The following FUBP3 variants were observed in gnomAD, a reference collection of about 807,000 sequenced individuals.
FUBP3 encodes the protein far upstream element binding protein 3.
Under a neutral mutation model 85.6 loss-of-function variants are expected in FUBP3, and 28 were observed. The observed-to-expected ratio is 0.33, with a 90% CI of 0.24 to 0.45. FUBP3 has a LOEUF of 0.45. Among genes scored for constraint, FUBP3 ranks in the 20% least tolerant of loss-of-function variants. The pLI, the probability that FUBP3 is intolerant of heterozygous loss-of-function variation, is 1.00. For synonymous variants in FUBP3, 271 were observed against 271.4 expected, an observed-to-expected ratio of 1.00 and a Z score of 0.01; for missense variants, 583 against 755.1, an observed-to-expected ratio of 0.77 and a Z score of 2.67.
In FUBP3 at chr9:130,609,345, G is replaced by A. The variant is rs79082553; in HGVS notation, c.191-609G>A. Among the ~76,000 whole-genome samples the A allele has an allele frequency of 5.2e-3, 787 of 151,912 alleles. 8 individuals carry two copies. Among genetic ancestry groups the A allele is most frequent in the African/African-American group, 0.018 (744 of 41,410 alleles). On this transcript the variant is annotated intron_variant, in intron 2 of 18. Transcript: ENST00000319725. ...CTTGAAAGGCAGTTGCTCATTCTTA[G>A]TGTCCGCTGCACATGGACTGCTCTG...
chr9:130,628,144 C>A (rs1830069522), intron 12 of FUBP3, among the ~76,000 whole-genome samples: 1 of 152,012 alleles, frequency 6.6e-6, no homozygotes, highest in South Asian at 2.1e-4. Context: ...CCCCTCAGGG[C>A]CCATGTGAGA....
Position 130,616,069 on chromosome 9 carries a change from G to A in FUBP3, c.405-286G>A, listed in dbSNP as rs1214580507. Among the ~76,000 whole-genome samples, 1 of 152,244 alleles carries A rather than the reference G, an allele frequency of 6.6e-6. No individual in the cohort carries two copies. Among genetic ancestry groups the A allele is most frequent in the South Asian group, 2.1e-4 (1 of 4,838 alleles). On this transcript the variant is annotated intron_variant, in intron 6 of 18. Coordinates refer to ENST00000319725, the MANE Select transcript of FUBP3 (RefSeq NM_003934.2). The surrounding 1 kb of genome is among the most constrained non-coding windows in gnomAD (Gnocchi z 4.7). ...CAGAGCAGCTGGCATCCTAATAGGAGACGACACCTTTGTGGAGACACAAGC... is the reference window on the plus strand; with the variant it reads ...CAGAGCAGCTGGCATCCTAATAGGAAACGACACCTTTGTGGAGACACAAGC...
Position 130,635,333 on chromosome 9 carries a change from G to T in FUBP3, c.1582+595G>T, listed in dbSNP as rs775552133. Among the ~76,000 whole-genome samples, 7 of 152,192 alleles carry T rather than the reference G, an allele frequency of 4.6e-5. No individual in the cohort carries two copies. The highest frequency in any genetic ancestry group is 2.1e-4 in the South Asian group (1 of 4,838). ...CATAAAATCAGGACCAGACTCTCGG[G>T]ATATATCCCACGATTACTAGACCGG... On this transcript the variant is annotated intron_variant, in intron 17 of 18. Coordinates refer to ENST00000319725, the MANE Select transcript of FUBP3 (RefSeq NM_003934.2). This position sits in a 1 kb window ranked among gnomAD's most constrained non-coding sequence, Gnocchi z 4.3.
Position 130,635,276 on chromosome 9 carries a change from G to T in FUBP3, c.1582+538G>T, listed in dbSNP as rs1830372474. Among the ~76,000 whole-genome samples the T allele has an allele frequency of 6.6e-6, 1 of 152,186 alleles. No individual in the cohort carries two copies. The highest frequency in any genetic ancestry group is 2.4e-5 in the African/African-American group (1 of 41,426). ...AACCAGCCTTCAGAGCAGGGCGAGG[G>T]ACCCAACAAGCAAAAGGTCTCTGGG... On this transcript the variant is annotated intron_variant, in intron 17 of 18. Transcript: ENST00000319725. The surrounding 1 kb of genome is among the most constrained non-coding windows in gnomAD (Gnocchi z 4.3).
rs1564190884 is a variant in FUBP3, at chr9:130,589,695, A to T, written c.85-5788A>T. Among the ~76,000 whole-genome samples, 9 of 29,992 alleles carry T rather than the reference A, an allele frequency of 3.0e-4. 1 individual carries two copies. Among genetic ancestry groups the T allele is most frequent in the Non-Finnish European group, 3.5e-4 (6 of 16,928 alleles). 19.7% of individuals were successfully genotyped at this position (29,992 alleles called of 152,430 possible). A position where few individuals can be genotyped will look rare whatever the true frequency, so the allele number is the denominator to read the frequency against. On this transcript the variant is annotated intron_variant, in intron 1 of 18. Transcript: ENST00000319725. ...TGTGTGTATATATATATATATATAT[A>T]TATATATATATTTTTTTTTTTTTTT...
chr9:130,638,171 G>A lies in FUBP3; in HGVS notation c.*1149G>A, dbSNP rs1398686230. 6.6e-6 allele frequency: 1 copy of A among 152,464 alleles called. No homozygotes were observed. The highest frequency in any genetic ancestry group is 1.5e-5 in the Non-Finnish European group (1 of 68,024). 9.4% of individuals were successfully genotyped at this position (152,464 alleles called of 1,614,324 possible). A position where few individuals can be genotyped will look rare whatever the true frequency, so the allele number is the denominator to read the frequency against. On this transcript the variant is annotated 3_prime_UTR_variant, in exon 19 of 19. Transcript: ENST00000319725. ...CCGTTTGAAATGTACTGAAGTTACA[G>A]TTTCTGGTTTTTTCTCCTTATTTTT...
chr9:130,581,407 GC>G (rs1830126791), intron 1 of FUBP3: 1 of 152,202 alleles, frequency 6.6e-6, no homozygotes, highest in African/African-American at 2.4e-5. Context: ...GCAGTAATAA[GC>G]CCAATGGAGA....
At chr9:130,613,796 T>A (rs542157767) in intron 5 of FUBP3, among the ~76,000 whole-genome samples, 186 of 152,304 alleles carry the variant, frequency 1.2e-3, no homozygotes, top group African/African-American at 4.3e-3. Context: ...AAGTAACGTG[T>A]TTCTCTCATT....
In FUBP3 at chr9:130,595,569, A is replaced by G. The variant is rs1830829268; in HGVS notation, c.171A>G (p.Lys57=). 6.5e-7 allele frequency: 1 copy of G among 1,537,800 alleles called. No homozygotes were observed. The highest frequency in any genetic ancestry group is 9.0e-7 in the Non-Finnish European group (1 of 1,110,418). The change falls in exon 2 of 19, where the codon AAA becomes AAG. Residue 57 remains lysine (K), a synonymous_variant. Coordinates refer to ENST00000319725, the MANE Select transcript of FUBP3 (RefSeq NM_003934.2). ...DPSVYGYGVQ[K]RPLDDGVGNQ... ...CAGTATATGGATACGGAGTACAAAA[A>G]CGGCCCTTGGATGATGGAGGTAAGT...
rs1306404058 is a variant in FUBP3 at position 130,579,759 on chromosome 9, C to T, written c.79C>T (p.Arg27Trp). Reference protein sequence around the residue: ...EGFVDALHRVRQIAAKIDSIP... With the variant: ...EGFVDALHRVWQIAAKIDSIP... ...CTTCGTGGATGCCCTGCACCGGGTC[C>T]GGCAGGTACGGGCGCAGCCGGCTGG... Residue 27 changes from arginine to tryptophan, a missense_variant, in exon 1 of 19, where the codon CGG (arginine) becomes TGG (tryptophan). Physicochemically the swap from Arg to Trp is moderately radical, Grantham distance 101. Around this residue, in one of 3 missense-constraint regions of FUBP3, gnomAD observed 177 missense variants for 221.9 expected, o/e 0.80. Transcript: ENST00000319725. The T allele has an allele frequency of 2.3e-6, 3 of 1,277,402 alleles. No homozygotes were observed. Among genetic ancestry groups the T allele is most frequent in the Non-Finnish European group, 3.0e-6 (3 of 1,009,430 alleles). 79.1% of individuals were successfully genotyped at this position (1,277,402 alleles called of 1,614,324 possible).
At chr9:130,632,355 TCGTTCAA>T in intron 16 of FUBP3, 77 bp downstream of exon 16, 1 of 1,112,260 alleles carries the variant, frequency 9.0e-7, no homozygotes. Context: ...CAAAACGCCC[TCGTTCAA>T]CTCAGCCAGC....
chr9:130,611,026 C>A lies in FUBP3; in HGVS notation c.224+1039C>A, dbSNP rs1033247789. Reference sequence around the variant, plus strand: ...TTTCAGCCTTGCATTTAGATTAGAACGTTTTCTTCCTGGAAACCCAGAGCA... The same window carrying A: ...TTTCAGCCTTGCATTTAGATTAGAAAGTTTTCTTCCTGGAAACCCAGAGCA... On this transcript the variant is annotated intron_variant, in intron 3 of 18. Transcript: ENST00000319725. Among the ~76,000 whole-genome samples, 2 of 152,120 alleles carry A rather than the reference C, an allele frequency of 1.3e-5. 1 individual carries two copies. The highest frequency in any genetic ancestry group is 1.3e-4 in the Admixed American group (2 of 15,268).
chr9:130,581,349 A>C (rs1020872048), intron 1 of FUBP3: 4 of 152,342 alleles, frequency 2.6e-5, no homozygotes, highest in African/African-American at 9.6e-5. Flanking sequence ...CTAGCAGTGA[A>C]AACTTCATTG....
chr9:130,588,904 C>T (rs1830465159), intron 1 of FUBP3, among the ~76,000 whole-genome samples: 1 of 152,204 alleles, frequency 6.6e-6, no homozygotes, highest in Non-Finnish European at 1.5e-5. Flanking sequence ...GCAGTCCAAC[C>T]TACCTTTCTC....
intron 1 of FUBP3, among the ~76,000 whole-genome samples, chr9:130,593,055 C>A (rs1269086439): frequency 2.0e-5 from 3 of 152,184 alleles, no homozygotes; most frequent in Non-Finnish European, 4.4e-5. Context: ...TTGCTCCTGC[C>A]TCAGGGTCTT....
chr9:130,634,553 G>A (rs1166254206), intron 16 of FUBP3, 114 bp from the exon 17 acceptor site: 6 of 755,040 alleles, frequency 7.9e-6, no homozygotes, highest in East Asian at 5.4e-5. Flanking sequence ...CTGCGGAGCC[G>A]TGTGTGGCCA....
intron 3 of FUBP3, among the ~76,000 whole-genome samples, chr9:130,611,661 TA>T (rs932167001): frequency 8.6e-5 from 13 of 151,796 alleles, no homozygotes; most frequent in Admixed American, 2.0e-4. Context: ...TTTTTTTTTT[TA>T]AACTACTTGC....
intron 18 of FUBP3, 96 bp from the exon 19 acceptor site, chr9:130,636,918 C>T (rs879091735): frequency 1.9e-6 from 2 of 1,036,698 alleles, no homozygotes; most frequent in East Asian, 4.7e-5. Context: ...TTTTGTCTGG[C>T]CCAGCTCCCG....
chr9:130,607,378 G>A (rs1440099402), intron 2 of FUBP3, among the ~76,000 whole-genome samples: 8 of 151,490 alleles, frequency 5.3e-5, no homozygotes, highest in Non-Finnish European at 7.4e-5. Flanking sequence ...CAGGCAGTTC[G>A]TATTATATAG....
Sources: gnomAD v4.1 joint callset for allele counts (sites outside exome capture counted in the v4.1 genomes callset) on GRCh38, gnomAD v4.1.1 for gene constraint, gnomAD v4.1.1 regional missense constraint, Gnocchi (gnomAD v3.1) non-coding constraint, MANE v1.5 for transcripts, NCBI Gene and HGNC (gene_info 2026-07-23, HGNC 2026-07-21) for gene names.